OPN3: variants seen among roughly 807,000 people sequenced by gnomAD.
OPN3 encodes the protein opsin 3, also known as opsin-3.
Under a neutral mutation model 33.8 loss-of-function variants are expected in OPN3, and 29 were observed. The ratio of observed to expected loss-of-function variants is 0.86; its 90% CI spans 0.64 to 1.17. OPN3 has a LOEUF of 1.17. Ranked by LOEUF, OPN3 falls within the 50% of genes most tolerant of loss-of-function variation. The pLI is 0.00. For missense variants in OPN3, 437 were observed against 514.1 expected, an observed-to-expected ratio of 0.85 and a Z score of 1.45; for synonymous variants, 216 against 216.1, an observed-to-expected ratio of 1.00 and a Z score of 0.00.
chr1:241,594,483 T>C lies in OPN3; in HGVS notation c.1154A>G (p.Asp385Gly). Reference sequence around the variant, plus strand: ...TTTGGACCCATTGGTTTTGTCGCTGTCGTCAACTGACAGTGATTCATCACT... The same window carrying C: ...TTTGGACCCATTGGTTTTGTCGCTGCCGTCAACTGACAGTGATTCATCACT... ...ITSDESLSVD[D>G]SDKTNGSKVD... Residue 385 changes from aspartate to glycine, a missense_variant, in exon 4 of 4, where the codon GAC (aspartate) becomes GGC (glycine). Coordinates refer to ENST00000366554, the MANE Select transcript of OPN3 (RefSeq NM_014322.3). 1 of 1,614,122 alleles carries C rather than the reference T, an allele frequency of 6.2e-7. No individual in the cohort carries two copies. Among genetic ancestry groups the C allele is most frequent in the Non-Finnish European group, 8.5e-7 (1 of 1,179,984 alleles).
At chr1:241,599,243 T>A (rs1663618016) in intron 2 of OPN3, among the ~76,000 whole-genome samples, 1 of 152,076 alleles carries the variant, frequency 6.6e-6, no homozygotes, top group Non-Finnish European at 1.5e-5. Context: ...TTTCTGGTAT[T>A]AGTTTGGTGC....
chr1:241,598,065 A>G, intron 2 of OPN3, 68 bp from the exon 3 acceptor site: 1 of 1,528,698 alleles, frequency 6.5e-7, no homozygotes. Flanking sequence ...TTGTTTTTAT[A>G]ACAGATATTC....
chr1:241,606,491 G>A (rs1051505109), intron 1 of OPN3, among the ~76,000 whole-genome samples: 3 of 151,868 alleles, frequency 2.0e-5, no homozygotes, highest in Non-Finnish European at 4.4e-5. Context: ...GTTGCAGTGA[G>A]CCGAGTTCGT....
intron 1 of OPN3, among the ~76,000 whole-genome samples, chr1:241,622,072 G>A (rs143393041): frequency 1.8e-4 from 27 of 152,194 alleles, no homozygotes; most frequent in African/African-American, 6.3e-4. Flanking sequence ...GTGATCAAGG[G>A]CACTGGTTTA....
rs75557924 is a variant in OPN3 at position 241,610,088 on chromosome 1, C to A, written c.374-5509G>T. ...TGGAAAGGGCTTATGTACCCCCCAG[C>A]GGTTTTGAAGACAGCGGTCTGTAAA... On this transcript the variant is annotated intron_variant, in intron 1 of 3. Transcript: ENST00000366554. Among the ~76,000 whole-genome samples the A allele has an allele frequency of 2.4e-3, 372 of 152,316 alleles. 3 individuals carry two copies. The highest frequency in any genetic ancestry group is 8.2e-3 in the African/African-American group (342 of 41,582).
At chr1:241,628,655 C>T (rs620905) in intron 1 of OPN3, among the ~76,000 whole-genome samples, 6,295 of 152,156 alleles carry the variant, frequency 0.041, 471 homozygotes, top group African/African-American at 0.14. Flanking sequence ...ATTACTATTC[C>T]TTAATGGTGA....
intron 1 of OPN3, among the ~76,000 whole-genome samples, chr1:241,626,533 T>C (rs1010372404): frequency 1.3e-5 from 2 of 152,298 alleles, no homozygotes; most frequent in Middle Eastern, 3.4e-3. Context: ...CATTTCTCCA[T>C]AATACTTCAC....
At chr1:241,605,063 A>AT (rs1663790564) in intron 1 of OPN3, among the ~76,000 whole-genome samples, 2 of 135,176 alleles carry the variant, frequency 1.5e-5, no homozygotes, top group South Asian at 4.6e-4. Context: ...CTCAAAAAAA[A>AT]AAAAAATAAA....
intron 1 of OPN3, chr1:241,634,395 C>CA (rs1219658637): frequency 6.2e-7 from 1 of 1,613,884 alleles, no homozygotes; most frequent in East Asian, 2.2e-5. Context: ...GTAATGAGTA[C>CA]TGCCCTAGAG....
chr1:241,633,992 T>G (rs771688883), intron 1 of OPN3: 1 of 1,613,952 alleles, frequency 6.2e-7, no homozygotes, highest in Admixed American at 1.7e-5. Context: ...TGTTTCAGCT[T>G]GCTTGACAGC....
At chr1:241,595,324 C>G (rs1039751111) in intron 3 of OPN3, 1 of 152,274 alleles carries the variant, frequency 6.6e-6, no homozygotes, top group African/African-American at 2.4e-5. Flanking sequence ...CTACAAGAAC[C>G]TGGGAGGCCA....
intron 1 of OPN3, among the ~76,000 whole-genome samples, chr1:241,623,646 C>T (rs1000593167): frequency 1.3e-5 from 2 of 152,234 alleles, no homozygotes; most frequent in Non-Finnish European, 2.9e-5. Flanking sequence ...CATTCAGACA[C>T]CAAAACTGAA....
At chr1:241,605,065 A>AAAAAT (rs1553354031) in intron 1 of OPN3, among the ~76,000 whole-genome samples, 11 of 143,086 alleles carry the variant, frequency 7.7e-5, no homozygotes, top group South Asian at 4.4e-4. Context: ...CAAAAAAAAA[A>AAAAAT]AAAATAAAAT....
At chr1:241,629,083 T>C (rs1013912801) in intron 1 of OPN3, 3 of 152,668 alleles carry the variant, frequency 2.0e-5, no homozygotes, top group Admixed American at 1.3e-4. Context: ...TATTATTGAA[T>C]GGCTATATAA....
chr1:241,640,281 C>G lies in OPN3; in HGVS notation c.-27G>C. 1 of 1,163,596 alleles carries G rather than the reference C, an allele frequency of 8.6e-7. No individual in the cohort carries two copies. Among genetic ancestry groups the G allele is most frequent in the Non-Finnish European group, 1.1e-6 (1 of 946,752 alleles). 72.1% of individuals were successfully genotyped at this position (1,163,596 alleles called of 1,614,324 possible). On this transcript the variant is annotated 5_prime_UTR_variant, in exon 1 of 4. Coordinates refer to ENST00000366554, the MANE Select transcript of OPN3 (RefSeq NM_014322.3). ...GCCCGGCGCCGGCGCGCCTGGCGGGCGGAGGCGCTCAGCTTGCGGCGGGGC... is the reference window on the plus strand; with the variant it reads ...GCCCGGCGCCGGCGCGCCTGGCGGGGGGAGGCGCTCAGCTTGCGGCGGGGC...
Position 241,636,159 on chromosome 1 carries a change from T to G in OPN3, c.373+3723A>C, listed in dbSNP as rs539451568. ...ATGCAACAATGACAATCCATTGGAG[T>G]GTGACATCTTATTTGGACATAAACC... On this transcript the variant is annotated intron_variant, in intron 1 of 3. Transcript: ENST00000366554. The G allele has an allele frequency of 1.5e-5, 6 of 408,466 alleles. No homozygotes were observed. In the South Asian group the frequency reaches 4.4e-4, roughly 30 times the overall value. The allele number at this position is 408,466 out of a possible 1,614,324, so 25.3% of individuals were successfully genotyped here.
chr1:241,608,372 G>T (rs1351996428), intron 1 of OPN3, among the ~76,000 whole-genome samples: 2 of 152,156 alleles, frequency 1.3e-5, no homozygotes, highest in African/African-American at 4.8e-5. Context: ...TGATGTTTCA[G>T]TCACTGTGCT....
intron 1 of OPN3, among the ~76,000 whole-genome samples, chr1:241,615,383 T>A (rs1664099012): frequency 6.6e-6 from 1 of 152,134 alleles, no homozygotes. Context: ...AACACAGCAA[T>A]CTAGGTTTTA....
At chr1:241,632,585 A>C (rs1190667647) in intron 1 of OPN3, 1 of 152,108 alleles carries the variant, frequency 6.6e-6, no homozygotes, top group Non-Finnish European at 1.5e-5. Flanking sequence ...CAGTTTTATG[A>C]CGTTGGGTGG....
Sources: allele counts gnomAD v4.1 joint callset (sites outside exome capture counted in the v4.1 genomes callset), GRCh38; gene constraint gnomAD v4.1.1; transcripts MANE v1.5; gene names NCBI Gene and HGNC (gene_info 2026-07-23, HGNC 2026-07-21).